The following KCNJ15 variants were observed in gnomAD, a reference collection of about 807,000 sequenced individuals.
KCNJ15 encodes the protein ATP-sensitive inward rectifier potassium channel 15.
KCNJ15 carries 14 observed loss-of-function variants against 23.0 expected under a neutral mutation model. The ratio of observed to expected loss-of-function variants is 0.61; its 90% CI spans 0.40 to 0.95. The LOEUF (loss-of-function observed/expected upper bound fraction) is 0.95, where lower values mean the gene tolerates loss of function less well. KCNJ15 is among the 40% of genes least tolerant of loss of function. KCNJ15 has a pLI of 0.00. For missense variants in KCNJ15, 388 were observed against 461.8 expected (o/e 0.84, Z 1.46); for synonymous variants, 185 against 183.2 (o/e 1.01, Z -0.08).
intron 1 of KCNJ15, among the ~76,000 whole-genome samples, chr21:38,249,859 T>C (rs1160462642): frequency 2.0e-5 from 3 of 152,240 alleles, no homozygotes; most frequent in Non-Finnish European, 4.4e-5. Flanking sequence ...TAGAATAAGA[T>C]GATCTTGGAC....
At chr21:38,272,265 A>G (rs1006313898) in intron 1 of KCNJ15, 2 of 152,222 alleles carry the variant, frequency 1.3e-5, no homozygotes, top group East Asian at 3.9e-4. Context: ...TTTCACCCAT[A>G]AAAACTGAAG....
chr21:38,247,355 T>C, intron 1 of KCNJ15, among the ~76,000 whole-genome samples: 1 of 53,914 alleles, frequency 1.9e-5, no homozygotes, highest in Non-Finnish European at 4.4e-5. Context: ...CATAGGTGGA[T>C]GGATGGATGG....
At chr21:38,247,584 G>A (rs1386064908) in intron 1 of KCNJ15, among the ~76,000 whole-genome samples, 3 of 152,134 alleles carry the variant, frequency 2.0e-5, no homozygotes, top group African/African-American at 7.2e-5. Context: ...ATGCATGCAT[G>A]CATAGGTAGA....
chr21:38,234,202 A>T (rs1161555883), intron 1 of KCNJ15, among the ~76,000 whole-genome samples: 1 of 152,244 alleles, frequency 6.6e-6, no homozygotes. Flanking sequence ...TGGGGACCAC[A>T]TGTAGCCCAG....
intron 1 of KCNJ15, among the ~76,000 whole-genome samples, chr21:38,243,811 G>A (rs1979175908): frequency 6.6e-6 from 1 of 152,174 alleles, no homozygotes. Context: ...TGGCTGTCTT[G>A]AAATGAAACT....
chr21:38,278,976 T>A lies in KCNJ15; in HGVS notation c.-116-17950T>A, dbSNP rs538161790. On this transcript the variant is annotated intron_variant, in intron 1 of 2. Coordinates refer to ENST00000398938, the MANE Select transcript of KCNJ15 (RefSeq NM_170736.3). The stretch of plus-strand genomic sequence containing the variant: ...GCTATAGAGAGAGGACAACTTGAGA[T>A]GGGGACCTCAATTATGAGCCTGTGC... 7.2e-5 allele frequency among the ~76,000 whole-genome samples: 11 copies of A among 152,224 alleles called. No homozygotes were observed. The South Asian group carries it at 2.3e-3, about 32-fold the overall frequency.
At chr21:38,273,052 G>A (rs1018153528) in intron 1 of KCNJ15, among the ~76,000 whole-genome samples, 2 of 152,212 alleles carry the variant, frequency 1.3e-5, no homozygotes, top group Non-Finnish European at 2.9e-5. Flanking sequence ...TTAGCACTAA[G>A]TTTTAAGCCT....
intron 1 of KCNJ15, among the ~76,000 whole-genome samples, chr21:38,249,078 G>A (rs949256918): frequency 6.6e-6 from 1 of 152,048 alleles, no homozygotes; most frequent in Admixed American, 6.6e-5. Flanking sequence ...ACCCCCAATG[G>A]ACTTTACTCC....
chr21:38,255,146 G>A (rs563286574), upstream of KCNJ15, among the ~76,000 whole-genome samples: 2 of 152,296 alleles, frequency 1.3e-5, no homozygotes, highest in Non-Finnish European at 2.9e-5. Flanking sequence ...GAGTCTTGGG[G>A]CACGGACTTG....
intron 1 of KCNJ15, chr21:38,238,004 C>T: frequency 4.8e-6 from 1 of 206,578 alleles, no homozygotes. Context: ...CAGCCTAATT[C>T]TGTCCTCTAG....
At position 38,299,161 on chromosome 21, in the gene KCNJ15, ATACT is replaced by A. The variant is rs1985478970; in HGVS notation, c.-18-77_-18-74del. The A allele has an allele frequency of 1.9e-6, 2 of 1,058,654 alleles. No individual in the cohort carries two copies. Among genetic ancestry groups the A allele is most frequent in the Admixed American group, 4.4e-5 (2 of 45,652 alleles). The allele number at this position is 1,058,654 out of a possible 1,614,324, so 65.6% of individuals were successfully genotyped here. ...TTCTTGTGTACTTCCATGTACATTC[ATACT>A]TACTTCACATGATGATTCTATTTTC... On this transcript the variant is annotated intron_variant, in intron 2 of 2. Coordinates refer to ENST00000398938, the MANE Select transcript of KCNJ15 (RefSeq NM_170736.3). This position sits in a 1 kb window ranked among gnomAD's most constrained non-coding sequence, Gnocchi z 4.5.
intron 1 of KCNJ15, among the ~76,000 whole-genome samples, chr21:38,247,443 T>G (rs1979502731): frequency 6.6e-6 from 1 of 151,616 alleles, no homozygotes; most frequent in Admixed American, 6.6e-5. Context: ...GATGCATAGG[T>G]GGATGGATGT....
intron 1 of KCNJ15, chr21:38,238,224 C>A: frequency 1.8e-6 from 1 of 549,966 alleles, no homozygotes; most frequent in South Asian, 1.5e-5. Context: ...AGGGTTGGGG[C>A]AGTCACGGAT....
chr21:38,294,415 G>A lies in KCNJ15; in HGVS notation c.-116-2511G>A, dbSNP rs143268848. Among the ~76,000 whole-genome samples the A allele has an allele frequency of 7.5e-3, 1,142 of 152,286 alleles. 9 individuals are homozygous for A. Among genetic ancestry groups the A allele is most frequent in the Admixed American group, 0.012 (185 of 15,298 alleles). On this transcript the variant is annotated intron_variant, in intron 1 of 2. Coordinates refer to ENST00000398938, the MANE Select transcript of KCNJ15 (RefSeq NM_170736.3). ...TCACCCTGGTTAAAAGACGTGGAAT[G>A]AGCTCGCTGAAGGCCTAGTTGAGGA...
chr21:38,294,151 G>T (rs1374002326), intron 1 of KCNJ15, among the ~76,000 whole-genome samples: 5 of 152,176 alleles, frequency 3.3e-5, no homozygotes, highest in African/African-American at 1.2e-4. Context: ...ATTTAAAACG[G>T]TGATACTTAA....
chr21:38,291,837 A>T (rs1984636856), intron 1 of KCNJ15: 1 of 152,248 alleles, frequency 6.6e-6, no homozygotes. Context: ...GATCAGAAGC[A>T]TGGACTATGG....
rs1268724560 is a variant in KCNJ15, at chr21:38,299,083, C to A, written c.-18-161C>A. Among the ~76,000 whole-genome samples the A allele has an allele frequency of 6.6e-6, 1 of 152,214 alleles. No individual in the cohort carries two copies. Among genetic ancestry groups the A allele is most frequent in the Non-Finnish European group, 1.5e-5 (1 of 68,032 alleles). On this transcript the variant is annotated intron_variant, in intron 2 of 2. Coordinates refer to ENST00000398938, the MANE Select transcript of KCNJ15 (RefSeq NM_170736.3). This position sits in a 1 kb window ranked among gnomAD's most constrained non-coding sequence, Gnocchi z 4.5. ...TGCAAAGCCTCTGCTCCTCACTCTA[C>A]CCTACCGACCACCTAAGTATAGATC...
chr21:38,270,793 G>A (rs946055891), intron 1 of KCNJ15, among the ~76,000 whole-genome samples: 4 of 152,310 alleles, frequency 2.6e-5, no homozygotes, highest in Middle Eastern at 3.4e-3. Context: ...CAAGACCAAG[G>A]CAAAACTTGA....
intron 1 of KCNJ15, among the ~76,000 whole-genome samples, chr21:38,287,352 TA>T (rs1984021723): frequency 6.6e-6 from 1 of 152,196 alleles, no homozygotes; most frequent in Admixed American, 6.5e-5. Context: ...GGCTTTACGT[TA>T]AACCCTGTCT....
Sources: allele counts gnomAD v4.1 joint callset (sites outside exome capture counted in the v4.1 genomes callset), GRCh38; gene constraint gnomAD v4.1.1; non-coding constraint Gnocchi (gnomAD v3.1); transcripts MANE v1.5; gene names NCBI Gene and HGNC (gene_info 2026-07-23, HGNC 2026-07-21).